Variants in RPS6KA3 observed in about 807,000 individuals in gnomAD.
RPS6KA3 encodes the protein ribosomal protein S6 kinase alpha-3.
In RPS6KA3, 4 loss-of-function variants were observed where a neutral mutation model predicts 67.2. That is an observed-to-expected ratio of 0.06 (90% CI 0.03 to 0.14). RPS6KA3 has a LOEUF of 0.14. Among genes scored for constraint, RPS6KA3 ranks in the 10% least tolerant of loss-of-function variants. The pLI, the probability that RPS6KA3 is intolerant of heterozygous loss-of-function variation, is 1.00. For synonymous variants in RPS6KA3, 182 were observed against 183.7 expected (o/e 0.99, Z 0.07); for missense variants, 204 against 559.0 (o/e 0.36, Z 6.40).
chrX:20,232,626 T>C (rs998342069), intron 2 of RPS6KA3, among the ~76,000 whole-genome samples: 1 of 110,792 alleles, frequency 9.0e-6, no homozygotes, highest in Non-Finnish European at 1.9e-5. Flanking sequence ...CTTCCGTACA[T>C]ACTACAATGA....
intron 10 of RPS6KA3, among the ~76,000 whole-genome samples, chrX:20,185,780 T>G (rs1446088445): frequency 8.9e-6 from 1 of 111,806 alleles, no homozygotes; most frequent in African/African-American, 3.2e-5. Context: ...ATCCCAAAAG[T>G]AAAGCTTTCA....
chrX:20,157,972 G>C (rs949374260), intron 20 of RPS6KA3, among the ~76,000 whole-genome samples: 16 of 111,545 alleles, frequency 1.4e-4, no homozygotes, highest in African/African-American at 4.9e-4. Flanking sequence ...GGACTTATTT[G>C]ATGGTAATAA....
At chrX:20,184,488 C>A (rs973445100) in intron 10 of RPS6KA3, among the ~76,000 whole-genome samples, 2 of 104,690 alleles carry the variant, frequency 1.9e-5, no homozygotes, top group Admixed American at 2.1e-4. Flanking sequence ...TCACTGCAGT[C>A]TTGACCTCCC....
chrX:20,210,694 T>G (rs116221106), intron 2 of RPS6KA3, among the ~76,000 whole-genome samples: 2,758 of 111,667 alleles, frequency 0.025, 82 homozygotes, highest in African/African-American at 0.08. Context: ...GGCAGTTCAA[T>G]CATATTGGAC....
At chrX:20,230,510 T>A (rs1326451514) in intron 2 of RPS6KA3, among the ~76,000 whole-genome samples, 1 of 111,613 alleles carries the variant, frequency 9.0e-6, no homozygotes, top group Non-Finnish European at 1.9e-5. Context: ...GAAGGAACAT[T>A]GCCTTTGAAA....
chrX:20,185,796 T>C (rs978175839), intron 10 of RPS6KA3, among the ~76,000 whole-genome samples: 3 of 111,895 alleles, frequency 2.7e-5, no homozygotes, highest in Non-Finnish European at 5.6e-5. Flanking sequence ...TTTCAGTATT[T>C]CACTATTAAC....
chrX:20,237,059 G>A (rs2069428861), intron 1 of RPS6KA3, among the ~76,000 whole-genome samples: 1 of 111,786 alleles, frequency 8.9e-6, no homozygotes, highest in African/African-American at 3.2e-5. Context: ...CTTATCTTCA[G>A]AGGGTTGTAG....
At chrX:20,164,858 TAA>T in intron 18 of RPS6KA3, 39 bp downstream of exon 18, 1 of 1,078,007 alleles carries the variant, frequency 9.3e-7, no homozygotes, top group Non-Finnish European at 1.3e-6. Flanking sequence ...GAATGAGTTT[TAA>T]AACATACTAA....
chrX:20,222,417 T>A (rs185997052), intron 2 of RPS6KA3, among the ~76,000 whole-genome samples: 2 of 112,114 alleles, frequency 1.8e-5, no homozygotes, highest in East Asian at 5.6e-4. Flanking sequence ...CAAAAACCTA[T>A]GAGTCCTTTC....
intron 1 of RPS6KA3, among the ~76,000 whole-genome samples, chrX:20,262,459 A>G (rs2070258965): frequency 8.9e-6 from 1 of 112,213 alleles, no homozygotes; most frequent in Admixed American, 9.4e-5. Flanking sequence ...AAGAGAAGAC[A>G]AAGTCTGCCT....
At chrX:20,247,483 T>G (rs116349180) in intron 1 of RPS6KA3, among the ~76,000 whole-genome samples, 1,192 of 111,094 alleles carry the variant, frequency 0.011, 20 homozygotes, top group African/African-American at 0.037. Context: ...CCTAAGGAAA[T>G]TTTTAAAAAC....
intron 19 of RPS6KA3, 144 bp downstream of exon 19, chrX:20,162,820 C>G: frequency 2.0e-6 from 1 of 511,685 alleles, no homozygotes; most frequent in Admixed American, 2.7e-5. Flanking sequence ...GTACTCCAGC[C>G]TGGGCAACAG....
At chrX:20,225,984 G>A (rs1052738398) in intron 2 of RPS6KA3, among the ~76,000 whole-genome samples, 1 of 110,840 alleles carries the variant, frequency 9.0e-6, no homozygotes, top group Admixed American at 9.6e-5. Flanking sequence ...TCAGGAGTTT[G>A]AGACCAGCCT....
rs1356590482 is a variant in RPS6KA3, at chrX:20,176,490, G to T, written c.943C>A (p.Pro315Thr). ...RNPANRLGAG[P>T]DGVEEIKRHS... ...CTTTTAATTTCTTCAACTCCATCTG[G>T]TCCTGCACCTATCAAAAATGGATTC... The change falls in exon 12 of 22, where the codon CCA becomes ACA. Residue 315 changes from proline (P) to threonine (T), a missense_variant. By Grantham distance (38) the Pro-to-Thr change is conservative. Coordinates refer to ENST00000379565, the MANE Select transcript of RPS6KA3 (RefSeq NM_004586.3). 1 of 1,179,996 alleles carries T rather than the reference G, an allele frequency of 8.5e-7. No homozygotes were observed. The highest frequency in any genetic ancestry group is 1.2e-6 in the Non-Finnish European group (1 of 867,637).
At chrX:20,163,374 TACAC>T (rs2148639782) in intron 18 of RPS6KA3, among the ~76,000 whole-genome samples, 1 of 110,654 alleles carries the variant, frequency 9.0e-6, no homozygotes, top group South Asian at 3.8e-4. Flanking sequence ...TAAGAACACA[TACAC>T]ACACGCACAC....
intron 20 of RPS6KA3, among the ~76,000 whole-genome samples, chrX:20,157,501 CAAAA>C (rs1197154800): frequency 2.0e-5 from 1 of 49,925 alleles, no homozygotes; most frequent in Admixed American, 2.7e-4. Context: ...GACCCTGTCT[CAAAA>C]AAAAAAAAAA....
intron 2 of RPS6KA3, among the ~76,000 whole-genome samples, chrX:20,223,459 T>C (rs1483732886): frequency 8.9e-6 from 1 of 111,803 alleles, no homozygotes; most frequent in Non-Finnish European, 1.9e-5. Flanking sequence ...CCCAAGGCTA[T>C]TGGTATACTG....
chrX:20,164,223 C>G (rs2067376561), intron 18 of RPS6KA3, among the ~76,000 whole-genome samples: 1 of 110,642 alleles, frequency 9.0e-6, no homozygotes, highest in Non-Finnish European at 1.9e-5. Flanking sequence ...CAATTTATTC[C>G]TGACATGGGG....
intron 4 of RPS6KA3, among the ~76,000 whole-genome samples, chrX:20,197,063 C>T (rs1301061641): frequency 1.8e-5 from 2 of 112,400 alleles, no homozygotes; most frequent in Non-Finnish European, 3.8e-5. Context: ...TGGTCTCTAA[C>T]TCCTGACCTC....
Sources: gnomAD v4.1 joint callset for allele counts (sites outside exome capture counted in the v4.1 genomes callset) on GRCh38, gnomAD v4.1.1 for gene constraint, MANE v1.5 for transcripts, NCBI Gene and HGNC (gene_info 2026-07-23, HGNC 2026-07-21) for gene names.